The following GRID2 variants were observed in gnomAD, a reference collection of about 807,000 sequenced individuals.
GRID2 encodes the protein glutamate receptor ionotropic, delta-2.
GRID2 carries 33 observed loss-of-function variants against 114.8 expected under a neutral mutation model. That is an observed-to-expected ratio of 0.29 (90% CI 0.22 to 0.38). GRID2 has a LOEUF of 0.38. Among genes scored for constraint, GRID2 ranks in the 10% least tolerant of loss-of-function variants. The probability of loss-of-function intolerance (pLI) is 1.00; values close to 1 mark genes in which losing one functional copy is unlikely to be tolerated. For synonymous variants in GRID2, 505 were observed against 449.9 expected (o/e 1.12, Z -1.55); for missense variants, 1,184 against 1,257.7 (o/e 0.94, Z 0.89).
intron 1 of GRID2, among the ~76,000 whole-genome samples, chr4:92,369,901 A>G (rs554986002): frequency 1.3e-5 from 2 of 152,334 alleles, no homozygotes; most frequent in East Asian, 1.9e-4. Flanking sequence ...GGTTCTTTTT[A>G]GATATCTAAT....
chr4:92,610,329 C>T (rs1454354759), intron 2 of GRID2, among the ~76,000 whole-genome samples: 3 of 151,570 alleles, frequency 2.0e-5, no homozygotes, highest in Non-Finnish European at 4.4e-5. Flanking sequence ...GGCTGGACTG[C>T]TATGAGTAAG....
chr4:92,623,377 A>G (rs1730368686), intron 2 of GRID2, among the ~76,000 whole-genome samples: 1 of 151,400 alleles, frequency 6.6e-6, no homozygotes, highest in Non-Finnish European at 1.5e-5. Context: ...AAAAAAAAAG[A>G]TTAATACCAT....
At chr4:93,734,691 G>C (rs767639921) in intron 14 of GRID2, among the ~76,000 whole-genome samples, 3 of 151,860 alleles carry the variant, frequency 2.0e-5, no homozygotes, top group Non-Finnish European at 4.4e-5. Flanking sequence ...CTTAGTGGTG[G>C]GAGTGTATGA....
chr4:93,553,475 T>C, intron 13 of GRID2, among the ~76,000 whole-genome samples: 1 of 152,236 alleles, frequency 6.6e-6, no homozygotes, highest in Non-Finnish European at 1.5e-5. Context: ...TCTTGCTCAA[T>C]TATTCCTCTC....
chr4:92,929,760 G>A (rs1204526356), intron 2 of GRID2, among the ~76,000 whole-genome samples: 1 of 149,848 alleles, frequency 6.7e-6, no homozygotes, highest in East Asian at 2.0e-4. Context: ...TATTCTGCAT[G>A]AAATTATTTC....
intron 3 of GRID2, among the ~76,000 whole-genome samples, chr4:93,087,894 T>C (rs181861603): frequency 6.6e-6 from 1 of 152,270 alleles, no homozygotes; most frequent in East Asian, 1.9e-4. Flanking sequence ...TATTTACTTA[T>C]CCATTCATCA....
chr4:93,732,293 C>G (rs1320436713), intron 14 of GRID2, among the ~76,000 whole-genome samples: 1 of 152,116 alleles, frequency 6.6e-6, no homozygotes, highest in African/African-American at 2.4e-5. Flanking sequence ...TTTCCTAGTA[C>G]TAAAATGCCA....
chr4:92,894,197 A>T (rs958168726), intron 2 of GRID2, among the ~76,000 whole-genome samples: 1 of 152,140 alleles, frequency 6.6e-6, no homozygotes, highest in Non-Finnish European at 1.5e-5. Flanking sequence ...GGTTGATCAA[A>T]CCTACCCAAA....
At chr4:93,266,548 G>A (rs1478775024) in intron 8 of GRID2, among the ~76,000 whole-genome samples, 3 of 152,024 alleles carry the variant, frequency 2.0e-5, no homozygotes, top group Admixed American at 6.6e-5. Flanking sequence ...CATCCCACAC[G>A]AACCCCATCA....
chr4:92,450,967 C>T (rs1720895537), intron 1 of GRID2, among the ~76,000 whole-genome samples: 1 of 149,930 alleles, frequency 6.7e-6, no homozygotes, highest in Admixed American at 6.6e-5. Context: ...ATTATAGTGA[C>T]CATACAAAAC....
intron 10 of GRID2, among the ~76,000 whole-genome samples, chr4:93,425,882 C>G (rs1351437463): frequency 6.6e-6 from 1 of 152,172 alleles, no homozygotes; most frequent in African/African-American, 2.4e-5. Flanking sequence ...CAAGGGTACC[C>G]TGCAGTTTCT....
chr4:92,527,978 G>A (rs570502740), intron 1 of GRID2, among the ~76,000 whole-genome samples: 1 of 152,058 alleles, frequency 6.6e-6, no homozygotes, highest in East Asian at 1.9e-4. Context: ...AATAGTGACA[G>A]TAATAATGCT....
intron 8 of GRID2, among the ~76,000 whole-genome samples, chr4:93,351,237 C>T (rs1760773759): frequency 6.6e-6 from 1 of 151,992 alleles, no homozygotes; most frequent in Admixed American, 6.6e-5. Context: ...TACTTCAAAC[C>T]TTCTTTTCAC....
intron 2 of GRID2, among the ~76,000 whole-genome samples, chr4:92,789,700 ATTTAT>A (rs1186993351): frequency 2.6e-5 from 4 of 151,994 alleles, no homozygotes; most frequent in Admixed American, 2.6e-4. Context: ...ATTTAAACGT[ATTTAT>A]TTTATTTTCT....
At chr4:93,153,966 C>G (rs1284879308) in intron 4 of GRID2, among the ~76,000 whole-genome samples, 1 of 151,814 alleles carries the variant, frequency 6.6e-6, no homozygotes, top group African/African-American at 2.4e-5. Context: ...GTATGTATAC[C>G]TCTGACATAA....
At chr4:93,737,778 C>G (rs75195588) in intron 14 of GRID2, among the ~76,000 whole-genome samples, 1 of 152,052 alleles carries the variant, frequency 6.6e-6, no homozygotes, top group Non-Finnish European at 1.5e-5. Flanking sequence ...ATCCTATATA[C>G]AGATATAGTC....
chr4:92,517,208 C>T (rs1724542738), intron 1 of GRID2, among the ~76,000 whole-genome samples: 1 of 143,424 alleles, frequency 7.0e-6, no homozygotes, highest in African/African-American at 2.4e-5. Flanking sequence ...AAGACGGCTC[C>T]TACTCTTTGT....
intron 13 of GRID2, among the ~76,000 whole-genome samples, chr4:93,568,234 C>G (rs771491274): frequency 8.5e-5 from 13 of 152,130 alleles, no homozygotes; most frequent in Admixed American, 7.9e-4. Context: ...ATGAACATAT[C>G]TTAAGAGTCT....
chr4:93,038,714 C>T (rs1725179494), intron 2 of GRID2, among the ~76,000 whole-genome samples: 1 of 152,032 alleles, frequency 6.6e-6, no homozygotes, highest in African/African-American at 2.4e-5. Flanking sequence ...TGGCGTGAAC[C>T]CAGGAGGCGG....
Sources: gnomAD v4.1 joint callset for allele counts (sites outside exome capture counted in the v4.1 genomes callset) on GRCh38, gnomAD v4.1.1 for gene constraint, MANE v1.5 for transcripts, NCBI Gene and HGNC (gene_info 2026-07-23, HGNC 2026-07-21) for gene names.